The following FRMD6 variants were observed in gnomAD, a reference collection of about 807,000 sequenced individuals.
FRMD6 encodes FERM domain-containing protein 6.
A neutral mutation model predicts 73.2 loss-of-function variants in FRMD6; 37 were observed. The ratio of observed to expected loss-of-function variants is 0.51; its 90% confidence interval spans 0.39 to 0.66. The LOEUF (loss-of-function observed/expected upper bound fraction) is 0.66. Ranked by LOEUF, FRMD6 falls within the 30% of genes least tolerant of loss-of-function variation. The probability of loss-of-function intolerance (pLI) is 0.00; values close to 1 mark genes in which losing one functional copy is unlikely to be tolerated. For missense variants in FRMD6, 714 were observed against 780.5 expected (o/e 0.91, Z 1.02); for synonymous variants, 273 against 282.2 (o/e 0.97, Z 0.33).
chr14:51,636,418 T>C (rs1891565371), intron 2 of FRMD6, among the ~76,000 whole-genome samples: 1 of 152,188 alleles, frequency 6.6e-6, no homozygotes, highest in Non-Finnish European at 1.5e-5. Context: ...TGCCTGACTG[T>C]TGGTCCATAT....
At chr14:51,656,349 G>C (rs1446663322) in intron 1 of FRMD6, among the ~76,000 whole-genome samples, 1 of 152,032 alleles carries the variant, frequency 6.6e-6, no homozygotes, top group Non-Finnish European at 1.5e-5. Context: ...ACCAAATACA[G>C]TCGCAAGGAG....
Position 51,730,598 on chromosome 14 carries a change from G to A in FRMD6, c.*2569G>A, listed in dbSNP as rs1459661112. On this transcript the variant is annotated 3_prime_UTR_variant, in exon 14 of 14. Transcript: ENST00000344768. Reference sequence around the variant, plus strand: ...ACATAAACTGTAAATAATCCTTTCTGTGAAAGGATCATCATATCAAGATGA... The same window carrying A: ...ACATAAACTGTAAATAATCCTTTCTATGAAAGGATCATCATATCAAGATGA... 2 of 152,532 alleles carry A rather than the reference G, an allele frequency of 1.3e-5. No homozygotes were observed. Among genetic ancestry groups the A allele is most frequent in the East Asian group, 3.9e-4 (2 of 5,172 alleles). 9.4% of individuals were successfully genotyped at this position (152,532 alleles called of 1,614,324 possible). A position where few individuals can be genotyped will look rare whatever the true frequency, so the allele number is the denominator to read the frequency against.
At chr14:51,449,425 T>C in the FRMD6 span, among the ~76,000 whole-genome samples, 2 of 152,176 alleles carry the variant, frequency 1.3e-5, no homozygotes, top group African/African-American at 4.8e-5. Flanking sequence ...CCATCACAGC[T>C]TATGGGATTA....
intron 2 of FRMD6, among the ~76,000 whole-genome samples, chr14:51,612,770 T>G (rs2139874050): frequency 6.6e-6 from 1 of 152,332 alleles, no homozygotes. Flanking sequence ...CAAGACTACT[T>G]GGAATTTCTC....
chr14:51,691,588 ATTT>A (rs758677611), intron 2 of FRMD6, among the ~76,000 whole-genome samples: 1,387 of 75,038 alleles, frequency 0.018, 13 homozygotes, highest in African/African-American at 0.056. Flanking sequence ...TTTGATTTTG[ATTT>A]TTTTTTTTTT....
In FRMD6 at chr14:51,689,768, G is replaced by T. The variant is rs1895412893; in HGVS notation, c.-69G>T. 2.2e-6 allele frequency: 2 copies of T among 896,196 alleles called. No individual in the cohort carries two copies. The highest frequency in any genetic ancestry group is 1.7e-5 in the Admixed American group (1 of 58,854). 55.5% of individuals were successfully genotyped at this position (896,196 alleles called of 1,614,324 possible). ...ATGAGGAGGCGAGCTTGGCTTTGGA[G>T]TGCTGGGAACCTGAGGAATTGCCAA... On this transcript the variant is annotated 5_prime_UTR_variant, in exon 2 of 14. Coordinates refer to ENST00000344768, the MANE Select transcript of FRMD6 (RefSeq NM_001267046.2).
intron 5 of FRMD6, among the ~76,000 whole-genome samples, chr14:51,703,480 T>TA (rs751998529): frequency 7.2e-5 from 11 of 152,130 alleles, no homozygotes; most frequent in Non-Finnish European, 1.2e-4. Context: ...GGATTTTTTT[T>TA]AAAAAAGGCT....
intron 1 of FRMD6, among the ~76,000 whole-genome samples, chr14:51,682,377 A>G (rs1032776509): frequency 1.3e-5 from 2 of 150,218 alleles, no homozygotes; most frequent in South Asian, 4.2e-4. Flanking sequence ...TTTTTTTTTT[A>G]AGTAAAGTAA....
intron 1 of FRMD6, among the ~76,000 whole-genome samples, chr14:51,541,521 G>A (rs1433588408): frequency 6.6e-6 from 1 of 152,038 alleles, no homozygotes; most frequent in Non-Finnish European, 1.5e-5. Context: ...GGCGGGGTAG[G>A]GTAAGGAGGT....
chr14:51,618,846 T>C (rs1286566145), intron 2 of FRMD6, among the ~76,000 whole-genome samples: 1 of 151,292 alleles, frequency 6.6e-6, no homozygotes, highest in African/African-American at 2.4e-5. Context: ...ATTATAAATG[T>C]ATTTCTATGA....
At chr14:51,606,078 C>T (rs1409053236) in intron 2 of FRMD6, among the ~76,000 whole-genome samples, 1 of 152,168 alleles carries the variant, frequency 6.6e-6, no homozygotes, top group African/African-American at 2.4e-5. Context: ...AAGCGTTATC[C>T]TTTGCCATGC....
intron 1 of FRMD6, among the ~76,000 whole-genome samples, chr14:51,681,911 A>C (rs1295115484): frequency 6.6e-6 from 1 of 152,176 alleles, no homozygotes; most frequent in Non-Finnish European, 1.5e-5. Flanking sequence ...TGTTTGCAGT[A>C]AAAGCATTTT....
At chr14:51,566,882 C>T (rs1049164088) in intron 1 of FRMD6, among the ~76,000 whole-genome samples, 3 of 152,194 alleles carry the variant, frequency 2.0e-5, no homozygotes, top group Non-Finnish European at 4.4e-5. Flanking sequence ...AGGGCAGGAT[C>T]GCTTGTTTTC....
chr14:51,672,234 GA>G (rs1434722723), intron 1 of FRMD6, among the ~76,000 whole-genome samples: 1 of 152,206 alleles, frequency 6.6e-6, no homozygotes, highest in Non-Finnish European at 1.5e-5. Flanking sequence ...GAGAGCCAAA[GA>G]ATTGTAGCAT....
At chr14:51,472,880 G>A in the FRMD6 span, among the ~76,000 whole-genome samples, 1 of 152,222 alleles carries the variant, frequency 6.6e-6, no homozygotes, top group Non-Finnish European at 1.5e-5. Context: ...CTTTAAGTCT[G>A]TTACCAGATT....
intron 1 of FRMD6, among the ~76,000 whole-genome samples, chr14:51,684,156 A>G (rs964090000): frequency 2.1e-4 from 27 of 127,540 alleles, no homozygotes; most frequent in Middle Eastern, 3.9e-3. Flanking sequence ...TAAATAAATG[A>G]CCCTTAAAAA....
chr14:51,572,443 T>A (rs1388310877), intron 2 of FRMD6, among the ~76,000 whole-genome samples: 1 of 152,236 alleles, frequency 6.6e-6, no homozygotes, highest in African/African-American at 2.4e-5. Context: ...TTAGCATAAG[T>A]TGAAATATTT....
At chr14:51,703,636 C>A (rs139674635) in intron 5 of FRMD6, among the ~76,000 whole-genome samples, 5 of 152,166 alleles carry the variant, frequency 3.3e-5, no homozygotes, top group Admixed American at 6.6e-5. Context: ...CCCTATACTT[C>A]TGCCCCTTTT....
At chr14:51,469,490 G>T in the FRMD6 span, among the ~76,000 whole-genome samples, 1 of 151,084 alleles carries the variant, frequency 6.6e-6, no homozygotes, top group Non-Finnish European at 1.5e-5. Context: ...GCAGGCCCCT[G>T]TAGTCCCAGC....
Sources: gnomAD v4.1 joint callset for allele counts (sites outside exome capture counted in the v4.1 genomes callset) on GRCh38, gnomAD v4.1.1 for gene constraint, MANE v1.5 for transcripts, NCBI Gene and HGNC (gene_info 2026-07-23, HGNC 2026-07-21) for gene names.